Variants in C3 observed in about 807,000 individuals in gnomAD.
C3 encodes C3 and PZP-like alpha-2-macroglobulin domain-containing protein 1.
C3 carries 97 observed loss-of-function variants against 207.9 expected under a neutral mutation model. That is an observed-to-expected ratio of 0.47 (90% confidence interval 0.40 to 0.55). The LOEUF (loss-of-function observed/expected upper bound fraction) is 0.55, where lower values mean the gene tolerates loss of function less well. C3 is among the 20% of genes least tolerant of loss of function. C3 has a pLI of 0.00. For missense variants in C3, 1,684 were observed against 2,171.7 expected (o/e 0.78, Z 4.46); for synonymous variants, 848 against 857.6 (o/e 0.99, Z 0.20).
chr19:6,684,737 G>A, intron 31 of C3, 38 bp downstream of exon 31: 6 of 1,611,648 alleles, frequency 3.7e-6, no homozygotes, highest in Admixed American at 1.7e-5. Context: ...TGGGGCAGAG[G>A]GGCATGGGCC....
chr19:6,713,107 A>G, intron 9 of C3, 82 bp downstream of exon 9: 1 of 1,540,934 alleles, frequency 6.5e-7, no homozygotes, highest in Non-Finnish European at 9.0e-7. Flanking sequence ...TCCTTAGACT[A>G]GGCTTTCTCT....
intron 1 of C3, among the ~76,000 whole-genome samples, chr19:6,720,004 G>T (rs977602435): frequency 2.0e-5 from 3 of 151,988 alleles, no homozygotes; most frequent in African/African-American, 7.3e-5. Context: ...ACTGAAAATT[G>T]CAAGTCCCCA....
chr19:6,713,041 C>G, intron 9 of C3, 148 bp downstream of exon 9: 1 of 953,606 alleles, frequency 1.0e-6, no homozygotes, highest in Non-Finnish European at 1.7e-6. Flanking sequence ...TCGGCCTCCC[C>G]TCTCAGACTG....
rs1918213240 is a variant in C3 at position 6,693,275 on chromosome 19, G to C, written c.3230+137C>G. On this transcript the variant is annotated intron_variant, in intron 25 of 40. Transcript: ENST00000245907. ...TTAATGACCGCCGGCCACTCAGCCA[G>C]CGCTTGCCTGGACTCTGCAGGTCCA... 2.8e-6 allele frequency: 3 copies of C among 1,082,550 alleles called. No individual in the cohort carries two copies. The South Asian group carries it at 4.0e-5, about 14-fold the overall frequency. 67.1% of individuals were successfully genotyped at this position (1,082,550 alleles called of 1,614,324 possible). A position where few individuals can be genotyped will look rare whatever the true frequency, so the allele number is the denominator to read the frequency against.
At chr19:6,693,537 G>A in intron 24 of C3, 50 bp from the exon 25 acceptor site, 9 of 1,549,924 alleles carry the variant, frequency 5.8e-6, no homozygotes, top group East Asian at 2.3e-5. Context: ...TGAGCAGAGG[G>A]GGCACGCCAG....
rs1568229666 is a variant in C3 at position 6,719,302 on chromosome 19, A to G, written c.176T>C (p.Val59Ala). Reference protein sequence around the residue: ...AQGDVPVTVTVHDFPGKKLVL... With the variant: ...AQGDVPVTVTAHDFPGKKLVL... Reference sequence around the variant, plus strand: ...TAGTTTTTTGCCTGGGAAGTCGTGGACAGTAACAGTGACTGGAACATCCCC... The same window carrying G: ...TAGTTTTTTGCCTGGGAAGTCGTGGGCAGTAACAGTGACTGGAACATCCCC... Residue 59 changes from valine (V) to alanine (A), a missense_variant, in exon 2 of 41, where the codon GTC becomes GCC. Physicochemically the swap from Val to Ala is moderately conservative, Grantham distance 64 (BLOSUM62 0). Coordinates refer to ENST00000245907, the MANE Select transcript of C3 (RefSeq NM_000064.4). This position sits in a 1 kb window ranked among gnomAD's most constrained non-coding sequence, Gnocchi z 5.4. 3.1e-6 allele frequency: 5 copies of G among 1,614,014 alleles called. No homozygotes were observed. Among genetic ancestry groups the G allele is most frequent in the Non-Finnish European group, 4.2e-6 (5 of 1,179,968 alleles).
chr19:6,712,707 A>T (rs1220466971), intron 9 of C3, 84 bp from the exon 10 acceptor site: 1 of 1,110,242 alleles, frequency 9.0e-7, no homozygotes, highest in East Asian at 2.3e-5. Flanking sequence ...CCAACTTCAG[A>T]CTAGACCTCC....
At position 6,719,070 on chromosome 19, in the gene C3, A is replaced by T; in HGVS notation, c.267+141T>A. On this transcript the variant is annotated intron_variant, in intron 2 of 40. Transcript: ENST00000245907. The surrounding 1 kb of genome is among the most constrained non-coding windows in gnomAD (Gnocchi z 5.4). ...TCAGAGAAGGGAGGGGCTTAGAAGG[A>T]GAGGCGACTCCGAAGGGGTGGAGTC... The T allele has an allele frequency of 4.2e-6, 3 of 712,672 alleles. No individual in the cohort carries two copies. Among genetic ancestry groups the T allele is most frequent in the Non-Finnish European group, 7.3e-6 (3 of 409,584 alleles). 44.1% of individuals were successfully genotyped at this position (712,672 alleles called of 1,614,324 possible). A position where few individuals can be genotyped will look rare whatever the true frequency, so the allele number is the denominator to read the frequency against.
intron 33 of C3, chr19:6,684,098 C>T (rs1489133103): frequency 1.4e-5 from 6 of 424,834 alleles, no homozygotes; most frequent in Admixed American, 1.0e-4. Context: ...GACCCTATCT[C>T]TCTAAAAAGA....
intron 27 of C3, among the ~76,000 whole-genome samples, chr19:6,688,522 C>T (rs912081647): frequency 6.6e-6 from 1 of 150,786 alleles, no homozygotes; most frequent in African/African-American, 2.4e-5. Flanking sequence ...AGTTATAGCA[C>T]ACTTTTTTTT....
At chr19:6,709,913 C>T (rs975123624) in intron 13 of C3, 71 bp from the exon 14 acceptor site, 2 of 1,373,436 alleles carry the variant, frequency 1.5e-6, no homozygotes, top group African/African-American at 3.1e-5. Flanking sequence ...GGAGTGGGTG[C>T]TGGGCTAGAG....
intron 15 of C3, 53 bp from the exon 16 acceptor site, chr19:6,707,590 C>T (rs1301844557): frequency 6.3e-7 from 1 of 1,595,424 alleles, no homozygotes. Context: ...ACTAGGTGTC[C>T]TCGGTTCACC....
At chr19:6,714,143 C>T in intron 6 of C3, 23 bp downstream of exon 6, 1 of 1,612,038 alleles carries the variant, frequency 6.2e-7, no homozygotes, top group Non-Finnish European at 8.5e-7. Context: ...GCACTGACTC[C>T]CCCCAGCCCC....
intron 24 of C3, among the ~76,000 whole-genome samples, chr19:6,693,798 G>C (rs918008307): frequency 1.3e-5 from 2 of 152,132 alleles, no homozygotes; most frequent in African/African-American, 2.4e-5. Flanking sequence ...GAGAGGACGT[G>C]GGGCCTCAGA....
chr19:6,698,103 G>A (rs566978320), intron 19 of C3, among the ~76,000 whole-genome samples: 7 of 152,028 alleles, frequency 4.6e-5, no homozygotes, highest in East Asian at 1.9e-4. Flanking sequence ...CGCAACCTCC[G>A]CCTCCTGGGT....
rs756577495 is a variant in C3 at position 6,720,562 on chromosome 19, G to T, written c.28C>A (p.Leu10Met). Residue 10 changes from leucine to methionine, a missense_variant, in exon 1 of 41, where the codon CTG (leucine) becomes ATG (methionine). Physicochemically the swap from Leu to Met is conservative, Grantham distance 15. Coordinates refer to ENST00000245907, the MANE Select transcript of C3 (RefSeq NM_000064.4). ...GGGAGGTGGGTTAGTAGCAGGAGCA[G>T]CAGGCTGGGACCTGAGGTGGGTCCC... MGPTSGPSL[L>M]LLLLTHLPLA... 8 of 1,589,724 alleles carry T rather than the reference G, an allele frequency of 5.0e-6. No homozygotes were observed. The East Asian group carries it at 1.6e-4, about 32-fold the overall frequency.
chr19:6,720,471 AC>A, intron 1 of C3, 44 bp downstream of exon 1: 6 of 1,418,986 alleles, frequency 4.2e-6, no homozygotes, highest in Non-Finnish European at 5.9e-6. Flanking sequence ...GTCTGCTTCC[AC>A]CCCAGAACCA....
chr19:6,716,349 A>T (rs1052086539), intron 4 of C3: 3 of 152,182 alleles, frequency 2.0e-5, no homozygotes, highest in African/African-American at 7.2e-5. Context: ...CTCCTGGGGT[A>T]GCTGCAACCA....
At chr19:6,702,625 C>T in intron 17 of C3, 46 bp from the exon 18 acceptor site, 1 of 1,346,306 alleles carries the variant, frequency 7.4e-7, no homozygotes, top group Non-Finnish European at 1.1e-6. Flanking sequence ...AGGCCAGTTG[C>T]CATGGCTCAT....
Sources: allele counts gnomAD v4.1 joint callset (sites outside exome capture counted in the v4.1 genomes callset), GRCh38; gene constraint gnomAD v4.1.1; non-coding constraint Gnocchi (gnomAD v3.1); transcripts MANE v1.5; gene names NCBI Gene and HGNC (gene_info 2026-07-23, HGNC 2026-07-21).